Variants in ACAD9 observed in about 807,000 individuals in gnomAD.
ACAD9 encodes the protein complex I assembly factor ACAD9, mitochondrial.
ACAD9 carries 53 observed loss-of-function variants against 70.2 expected under a neutral mutation model. The ratio of observed to expected loss-of-function variants is 0.75; its 90% CI spans 0.61 to 0.95. ACAD9 has a LOEUF of 0.95. Ranked by LOEUF, ACAD9 falls within the 40% of genes least tolerant of loss-of-function variation. The pLI is 0.00. For missense variants in ACAD9, 777 were observed against 802.8 expected, an observed-to-expected ratio of 0.97 and a Z score of 0.39; for synonymous variants, 313 against 312.1, an observed-to-expected ratio of 1.00 and a Z score of -0.03.
Position 128,906,038 on chromosome 3 carries a change from G to C in ACAD9, c.1150-83G>C, listed in dbSNP as rs947927053. ...TGGCCGATCTCCTCCCCAAGCCCGT[G>C]TGCCTCCCATGCCTCCCCAGCCACC... On this transcript the variant is annotated intron_variant, in intron 11 of 17. Transcript: ENST00000308982. 1.9e-5 allele frequency: 30 copies of C among 1,598,918 alleles called. No individual in the cohort carries two copies. The African/African-American group carries it at 3.8e-4, about 20-fold the overall frequency.
intron 1 of ACAD9, among the ~76,000 whole-genome samples, chr3:128,883,498 C>T (rs1004182659): frequency 1.3e-5 from 2 of 152,050 alleles, no homozygotes; most frequent in African/African-American, 4.8e-5. Flanking sequence ...GCTGGGATTA[C>T]AGGCGCGTGC....
chr3:128,912,158 AC>A (rs755795131), intron 17 of ACAD9, among the ~76,000 whole-genome samples: 2 of 151,214 alleles, frequency 1.3e-5, no homozygotes, highest in Admixed American at 6.6e-5. Flanking sequence ...TAGCCCAGAC[AC>A]CCCCCCAGTG....
rs377484856 is a variant in ACAD9, at chr3:128,884,667, A to G, written c.165A>G (p.Pro55=). Residue 55 remains proline (P), a synonymous_variant, in exon 2 of 18, where the codon CCA becomes CCG. Transcript: ENST00000308982. The stretch of plus-strand genomic sequence containing the variant: ...ACTATTTTTAGAAAGAAGTTTTCCC[A>G]TTTCCAGAAGTTAGCCAAGATGAAC... The part of the protein sequence containing the change: ...LGKIKKKEVF[P]FPEVSQDELN... 87 of 1,611,130 alleles carry G rather than the reference A, an allele frequency of 5.4e-5. No homozygotes were observed. Among genetic ancestry groups the G allele is most frequent in the Non-Finnish European group, 7.3e-5 (86 of 1,179,064 alleles).
rs746328880 is a variant in ACAD9 at position 128,906,215 on chromosome 3, T to A, written c.1244T>A (p.Ile415Lys). 6.2e-7 allele frequency: 1 copy of A among 1,614,188 alleles called. No homozygotes were observed. Among genetic ancestry groups the A allele is most frequent in the South Asian group, 1.1e-5 (1 of 91,082 alleles). ...ACAAGGGACTATCCGTACGAGCGCA[T>A]ACTGCGTGACACCCGCATCCTCCTC... ...GYTRDYPYER[I>K]LRDTRILLIF... is the part of the protein sequence containing the mutation. Residue 415 changes from isoleucine (I) to lysine (K), a missense_variant, in exon 12 of 18, where the codon ATA becomes AAA. By Grantham distance (102) the Ile-to-Lys change is moderately radical. Transcript: ENST00000308982.
At chr3:128,892,041 G>A (rs1345865940) in intron 2 of ACAD9, among the ~76,000 whole-genome samples, 1 of 152,162 alleles carries the variant, frequency 6.6e-6, no homozygotes, top group African/African-American at 2.4e-5. Flanking sequence ...AGAAGCCCGG[G>A]AAAATAGGTG....
At chr3:128,908,447 T>C in intron 13 of ACAD9, 183 bp downstream of exon 13, 1 of 696,522 alleles carries the variant, frequency 1.4e-6, no homozygotes, top group Non-Finnish European at 2.5e-6. Context: ...AAGCCCTCGC[T>C]GCCCTGCCCT....
intron 7 of ACAD9, among the ~76,000 whole-genome samples, chr3:128,900,313 C>T (rs1335044987): frequency 1.3e-5 from 2 of 152,176 alleles, no homozygotes; most frequent in Non-Finnish European, 1.5e-5. Flanking sequence ...TCTTGGCTCA[C>T]TGCAAGCTCC....
intron 17 of ACAD9, among the ~76,000 whole-genome samples, chr3:128,911,648 G>T (rs1936335873): frequency 6.6e-6 from 1 of 151,818 alleles, no homozygotes; most frequent in African/African-American, 2.4e-5. Context: ...CACCATGTTG[G>T]CCAAGCTGGT....
chr3:128,896,554 AC>A lies in ACAD9; in HGVS notation c.554+19del. The A allele has an allele frequency of 1.2e-6, 2 of 1,613,142 alleles. No homozygotes were observed. Among genetic ancestry groups the A allele is most frequent in the Non-Finnish European group, 1.7e-6 (2 of 1,179,468 alleles). ...CCAGCCAGGTCTGTCTCTGCACAAA[AC>A]GTTATCCCTCAGCAGCTGTGATGTT... On this transcript the variant is annotated intron_variant, in intron 5 of 17. Transcript: ENST00000308982.
chr3:128,890,035 A>T (rs886072251), intron 2 of ACAD9, among the ~76,000 whole-genome samples: 3 of 152,124 alleles, frequency 2.0e-5, no homozygotes, highest in African/African-American at 4.8e-5. Context: ...TATGTTATTC[A>T]GGCTGGTCTC....
chr3:128,905,092 G>C (rs570695628), intron 11 of ACAD9, among the ~76,000 whole-genome samples: 1 of 152,054 alleles, frequency 6.6e-6, no homozygotes, highest in African/African-American at 2.4e-5. Context: ...AGGTTGCAGT[G>C]AGCCGAGGTT....
rs770679840 is a variant in ACAD9, at chr3:128,909,075, T to C, written c.1461T>C (p.His487=). 3 of 1,614,006 alleles carry C rather than the reference T, an allele frequency of 1.9e-6. No homozygotes were observed. The highest frequency in any genetic ancestry group is 2.2e-5 in the East Asian group (1 of 44,876). The change falls in exon 14 of 18, where the codon CAT becomes CAC. Residue 487 remains histidine, a synonymous_variant. Coordinates refer to ENST00000308982, the MANE Select transcript of ACAD9 (RefSeq NM_014049.5). ...TGGACCTGGGGCTGACAGGCAACCA[T>C]GGAGTTGTGCACCCCAGTCTTGCGG... ...RTVDLGLTGN[H]GVVHPSLADS...
intron 6 of ACAD9, among the ~76,000 whole-genome samples, chr3:128,898,871 C>T (rs934388082): frequency 4.6e-5 from 7 of 152,216 alleles, no homozygotes; most frequent in Admixed American, 2.0e-4. Context: ...CCTCACCACC[C>T]TCCCGCCTTT....
At chr3:128,899,525 T>TGTG in intron 7 of ACAD9, 64 bp downstream of exon 7, 1 of 415,208 alleles carries the variant, frequency 2.4e-6, no homozygotes, top group Non-Finnish European at 3.5e-6. Flanking sequence ...CCTTTGACGG[T>TGTG]GTGTGTGTGT....
rs1553731035 is a variant in ACAD9, at chr3:128,899,523, G to GTGT, written c.808+62_808+63insTGT. On this transcript the variant is annotated intron_variant, in intron 7 of 17. Transcript: ENST00000308982. ...TGTAAGGGGGAGACTGGCCTTTGAC[G>GTGT]GTGTGTGTGTGTGTGTGTGTGTGTG... 3.5e-3 allele frequency: 3,698 copies of GTGT among 1,068,622 alleles called. 67 individuals are homozygous for GTGT. The African/African-American group carries it at 0.044, about 13-fold the overall frequency. 66.2% of individuals were successfully genotyped at this position (1,068,622 alleles called of 1,614,324 possible). A position where few individuals can be genotyped will look rare whatever the true frequency, so the allele number is the denominator to read the frequency against.
rs1386601344 is a variant in ACAD9, at chr3:128,902,632, G to A, written c.958+4G>A. ...GGGCTGCTCAAGAGATTGATTGGTA[G>A]GTAAGTTAGGGACAAGGCCCTTTGT... On this transcript the variant is annotated splice_donor_region_variant and intron_variant, in intron 9 of 17. Coordinates refer to ENST00000308982, the MANE Select transcript of ACAD9 (RefSeq NM_014049.5). The surrounding 1 kb of genome is among the most constrained non-coding windows in gnomAD (Gnocchi z 4.0). 8 of 1,614,118 alleles carry A rather than the reference G, an allele frequency of 5.0e-6. No individual in the cohort carries two copies. Among genetic ancestry groups the A allele is most frequent in the Non-Finnish European group, 6.8e-6 (8 of 1,179,976 alleles).
rs1387845475 is a variant in ACAD9 at position 128,902,814 on chromosome 3, T to C, written c.958+186T>C. 2.6e-5 allele frequency among the ~76,000 whole-genome samples: 4 copies of C among 152,172 alleles called. No individual in the cohort carries two copies. Among genetic ancestry groups the C allele is most frequent in the African/African-American group, 9.7e-5 (4 of 41,444 alleles). On this transcript the variant is annotated intron_variant, in intron 9 of 17. Transcript: ENST00000308982. The surrounding 1 kb of genome is among the most constrained non-coding windows in gnomAD (Gnocchi z 4.0). ...CTCAGCCTGCCCCTGAGGTTTGTTG[T>C]CTTCCGCATTCCTCTGTTTCACCTC...
chr3:128,903,968 C>T, intron 9 of ACAD9, 94 bp from the exon 10 acceptor site: 4 of 1,316,308 alleles, frequency 3.0e-6, no homozygotes, highest in African/African-American at 1.5e-5. Flanking sequence ...TCACAGTGCC[C>T]ACCTGTGGGA....
chr3:128,891,697 T>C (rs1275445469), intron 2 of ACAD9, among the ~76,000 whole-genome samples: 3 of 152,226 alleles, frequency 2.0e-5, no homozygotes, highest in Non-Finnish European at 4.4e-5. Context: ...TTCAGGCCAT[T>C]AATTGTGTTG....
Sources: gnomAD v4.1 joint callset for allele counts (sites outside exome capture counted in the v4.1 genomes callset) on GRCh38, gnomAD v4.1.1 for gene constraint, Gnocchi (gnomAD v3.1) non-coding constraint, MANE v1.5 for transcripts, NCBI Gene and HGNC (gene_info 2026-07-23, HGNC 2026-07-21) for gene names.